Variants in ARV1 observed in about 807,000 individuals in gnomAD.
ARV1 encodes protein ARV1.
In ARV1, 26 loss-of-function variants were observed where a neutral mutation model predicts 31.1. That is an observed-to-expected ratio of 0.84 (90% CI 0.61 to 1.16). The LOEUF (loss-of-function observed/expected upper bound fraction) is 1.16, where lower values mean the gene tolerates loss of function less well. ARV1 is among the 50% of genes most tolerant of loss of function. ARV1 has a pLI of 0.00. For synonymous variants in ARV1, 117 were observed against 123.2 expected (o/e 0.95, Z 0.34); for missense variants, 281 against 324.9 (o/e 0.86, Z 1.04).
intron 1 of ARV1, among the ~76,000 whole-genome samples, chr1:230,982,063 TCTC>T (rs949083047): frequency 6.6e-6 from 1 of 152,244 alleles, no homozygotes; most frequent in Admixed American, 6.5e-5. Context: ...TTGTGTGTCT[TCTC>T]CTACTGGAAA....
intron 1 of ARV1, among the ~76,000 whole-genome samples, chr1:230,980,585 C>T (rs11122175): frequency 0.33 from 49,989 of 151,938 alleles, 8,512 homozygotes; most frequent in Middle Eastern, 0.58. Flanking sequence ...CCACCCACCT[C>T]GGCCTCCCAA....
intron 3 of ARV1, among the ~76,000 whole-genome samples, chr1:230,992,902 G>A (rs1679265080): frequency 2.0e-5 from 3 of 152,046 alleles, no homozygotes; most frequent in South Asian, 2.1e-4. Context: ...CCAGTCTATC[G>A]ATAATTTTGT....
chr1:230,993,597 T>C (rs1431529806), intron 3 of ARV1, among the ~76,000 whole-genome samples: 2 of 152,296 alleles, frequency 1.3e-5, no homozygotes, highest in East Asian at 3.9e-4. Flanking sequence ...GACTGTATAG[T>C]CCAAAAGAAT....
At chr1:230,988,502 A>T in intron 2 of ARV1, 63 bp downstream of exon 2, 1 of 1,357,672 alleles carries the variant, frequency 7.4e-7, no homozygotes, top group Non-Finnish European at 1.0e-6. Context: ...AAAGAATAAT[A>T]AGAATTTTAA....
chr1:230,994,090 A>G (rs940293067), intron 3 of ARV1, among the ~76,000 whole-genome samples: 1 of 152,178 alleles, frequency 6.6e-6, no homozygotes, highest in African/African-American at 2.4e-5. Flanking sequence ...AACTGAGGAA[A>G]GTCTCCCGAC....
At chr1:230,992,245 C>T (rs1271280505) in intron 3 of ARV1, among the ~76,000 whole-genome samples, 1 of 152,158 alleles carries the variant, frequency 6.6e-6, no homozygotes, top group African/African-American at 2.4e-5. Flanking sequence ...CCCATGTCTA[C>T]TCTGACCCTC....
chr1:230,994,497 C>G (rs904145294), intron 3 of ARV1, among the ~76,000 whole-genome samples: 14 of 151,928 alleles, frequency 9.2e-5, no homozygotes, highest in African/African-American at 3.4e-4. Context: ...TAGCATGTCT[C>G]CCTTGAAGAA....
intron 1 of ARV1, among the ~76,000 whole-genome samples, chr1:230,983,694 GA>G (rs1424629285): frequency 6.6e-6 from 1 of 152,054 alleles, no homozygotes; most frequent in Non-Finnish European, 1.5e-5. Flanking sequence ...GAATATTTAT[GA>G]AAAAAATTGG....
chr1:230,995,733 T>C, intron 3 of ARV1, 27 bp from the exon 4 acceptor site: 1 of 1,566,048 alleles, frequency 6.4e-7, no homozygotes, highest in Non-Finnish European at 8.8e-7. Flanking sequence ...GGGACATTCA[T>C]ACTTTTATTT....
intron 1 of ARV1, among the ~76,000 whole-genome samples, chr1:230,984,370 G>GCA (rs1452163563): frequency 7.3e-6 from 1 of 136,174 alleles, no homozygotes. Context: ...GTGCGTGTGT[G>GCA]TGTGTGTGTG....
chr1:231,000,006 A>C (rs1679478025), intron 5 of ARV1, 132 bp from the exon 6 acceptor site: 1 of 152,196 alleles, frequency 6.6e-6, no homozygotes, highest in Admixed American at 6.5e-5. Context: ...CAGCCTGTTC[A>C]GAAGTCTGGT....
chr1:230,998,450 T>A (rs1321572930), intron 5 of ARV1, among the ~76,000 whole-genome samples: 1 of 152,198 alleles, frequency 6.6e-6, no homozygotes, highest in East Asian at 1.9e-4. Context: ...TATCGCTGCT[T>A]CATTGATCCT....
At chr1:230,982,857 C>A (rs912932622) in intron 1 of ARV1, among the ~76,000 whole-genome samples, 2 of 152,140 alleles carry the variant, frequency 1.3e-5, no homozygotes, top group Non-Finnish European at 2.9e-5. Flanking sequence ...GACATAATCT[C>A]CAGAGTTTCT....
intron 3 of ARV1, among the ~76,000 whole-genome samples, chr1:230,991,861 C>G (rs898965002): frequency 6.6e-6 from 1 of 152,128 alleles, no homozygotes; most frequent in Non-Finnish European, 1.5e-5. Context: ...AACTTCTGAC[C>G]TCGTGATCCG....
intron 5 of ARV1, 83 bp downstream of exon 5, chr1:230,997,350 C>G: frequency 6.7e-7 from 1 of 1,498,412 alleles, no homozygotes; most frequent in Admixed American, 1.8e-5. Context: ...GAAGTCGGTG[C>G]CCTTACATAA....
rs752337224 is a variant in ARV1, at chr1:230,997,158, C to T, written c.711C>T (p.Ala237=). Residue 237 remains alanine, a synonymous_variant, in exon 5 of 6, where the codon GCC becomes GCT. Coordinates refer to ENST00000310256, the MANE Select transcript of ARV1 (RefSeq NM_022786.3). The part of the protein sequence containing the change: ...LNINRKLSFL[A]VLSGLLLESI... Reference sequence around the variant, plus strand: ...TCAACCGTAAGCTCTCCTTCTTGGCCGTGTTGAGTGGCTTACTGCTGGAAA... The same window carrying T: ...TCAACCGTAAGCTCTCCTTCTTGGCTGTGTTGAGTGGCTTACTGCTGGAAA... 5 of 1,613,952 alleles carry T rather than the reference C, an allele frequency of 3.1e-6. No homozygotes were observed. The highest frequency in any genetic ancestry group is 2.2e-5 in the East Asian group (1 of 44,890).
At chr1:230,986,006 T>C (rs948163636) in intron 1 of ARV1, among the ~76,000 whole-genome samples, 5 of 152,050 alleles carry the variant, frequency 3.3e-5, no homozygotes, top group African/African-American at 1.2e-4. Flanking sequence ...AAGCTCCGCC[T>C]CCTGGGTTCA....
chr1:230,985,053 G>C (rs1336276793), intron 1 of ARV1, among the ~76,000 whole-genome samples: 1 of 152,178 alleles, frequency 6.6e-6, no homozygotes, highest in Non-Finnish European at 1.5e-5. Flanking sequence ...CAGCTAGAGA[G>C]AGTCTTACTT....
At chr1:230,998,553 G>A (rs1328313806) in intron 5 of ARV1, among the ~76,000 whole-genome samples, 1 of 152,016 alleles carries the variant, frequency 6.6e-6, no homozygotes, top group East Asian at 1.9e-4. Context: ...TTTCTTCACT[G>A]CCTTTCCTCT....
Sources: gnomAD v4.1 joint callset for allele counts (sites outside exome capture counted in the v4.1 genomes callset) on GRCh38, gnomAD v4.1.1 for gene constraint, MANE v1.5 for transcripts, NCBI Gene and HGNC (gene_info 2026-07-23, HGNC 2026-07-21) for gene names.